PAF1: variants seen among roughly 807,000 people sequenced by gnomAD.
PAF1 encodes RNA polymerase II-associated factor 1 homolog.
PAF1 carries 31 observed loss-of-function variants against 68.4 expected under a neutral mutation model. The ratio of observed to expected loss-of-function variants is 0.45; its 90% CI spans 0.34 to 0.61. The LOEUF (loss-of-function observed/expected upper bound fraction) is 0.61, where lower values mean the gene tolerates loss of function less well. Among genes scored for constraint, PAF1 ranks in the 20% least tolerant of loss-of-function variants. The pLI is 0.01. For missense variants in PAF1, 435 were observed against 692.9 expected (o/e 0.63, Z 4.18); for synonymous variants, 256 against 240.5 (o/e 1.06, Z -0.60).
chr19:39,387,620 A>T (rs2078281523), intron 11 of PAF1, among the ~76,000 whole-genome samples: 1 of 152,122 alleles, frequency 6.6e-6, no homozygotes. Flanking sequence ...AGACTTCCCA[A>T]CTCTACACCA....
Position 39,389,205 on chromosome 19 carries a change from A to G in PAF1, c.462-7T>C. ...CTTCACAGAAACCCCAATCCTAGGA[A>G]TGAAGAAAAAGGTCCTTAGGGGCCA... On this transcript the variant is annotated splice_polypyrimidine_tract_variant and splice_region_variant and intron_variant, in intron 6 of 13. Coordinates refer to ENST00000221265, the MANE Select transcript of PAF1 (RefSeq NM_019088.4). The surrounding 1 kb of genome is among the most constrained non-coding windows in gnomAD (Gnocchi z 5.3). The G allele has an allele frequency of 6.2e-7, 1 of 1,613,676 alleles. No individual in the cohort carries two copies. Among genetic ancestry groups the G allele is most frequent in the Non-Finnish European group, 8.5e-7 (1 of 1,179,596 alleles).
Position 39,385,808 on chromosome 19 carries a change from G to A in PAF1, c.*183C>T. 7 of 855,320 alleles carry A rather than the reference G, an allele frequency of 8.2e-6. No homozygotes were observed. The highest frequency in any genetic ancestry group is 8.0e-5 in the East Asian group (3 of 37,470). The allele number at this position is 855,320 out of a possible 1,614,324, so 53.0% of individuals were successfully genotyped here. On this transcript the variant is annotated 3_prime_UTR_variant, in exon 14 of 14. Coordinates refer to ENST00000221265, the MANE Select transcript of PAF1 (RefSeq NM_019088.4). ...CTTGAGCACCTGGGGGTTGCGGGAG[G>A]TATGTGCTGGGCTGAATGACATCAT...
Position 39,389,980 on chromosome 19 carries a change from G to T in PAF1, c.170+89C>A. ...ATGTGCTAGGGTAGGTACTGTGCTA[G>T]GCCCTGAGCAGACAGCAGCCAACGA... is the stretch of plus-strand genomic sequence containing the variant. On this transcript the variant is annotated intron_variant, in intron 3 of 13. Coordinates refer to ENST00000221265, the MANE Select transcript of PAF1 (RefSeq NM_019088.4). The surrounding 1 kb of genome is among the most constrained non-coding windows in gnomAD (Gnocchi z 5.3). The T allele has an allele frequency of 8.8e-7, 1 of 1,141,970 alleles. No individual in the cohort carries two copies. The highest frequency in any genetic ancestry group is 1.3e-6 in the Non-Finnish European group (1 of 758,216). 70.7% of individuals were successfully genotyped at this position (1,141,970 alleles called of 1,614,324 possible). A position where few individuals can be genotyped will look rare whatever the true frequency, so the allele number is the denominator to read the frequency against.
In PAF1 at chr19:39,386,015, A is replaced by G. The variant is rs750293473; in HGVS notation, c.1572T>C (p.Ser524=). 6.2e-7 allele frequency: 1 copy of G among 1,613,550 alleles called. No individual in the cohort carries two copies. The highest frequency in any genetic ancestry group is 2.2e-5 in the East Asian group (1 of 44,880). Residue 524 remains serine (S), a synonymous_variant, in exon 14 of 14, where the codon AGT becomes AGC. Transcript: ENST00000221265. This position sits in a 1 kb window ranked among gnomAD's most constrained non-coding sequence, Gnocchi z 6.1. The stretch of plus-strand genomic sequence containing the variant: ...CTCAGTCACTGTCACTATCAGCTTC[A>G]CTGGAATCAGAAGCTGCAGCTTCAC... ...DGSEAAASDS[S]EADSDSD is the part of the protein sequence containing the mutation.
rs2078231362 is a variant in PAF1, at chr19:39,385,740, G to A, written c.*251C>T. The A allele has an allele frequency of 1.7e-6, 1 of 574,406 alleles. No homozygotes were observed. Among genetic ancestry groups the A allele is most frequent in the Middle Eastern group, 3.7e-4 (1 of 2,712 alleles). The allele number at this position is 574,406 out of a possible 1,614,324, so 35.6% of individuals were successfully genotyped here. A position where few individuals can be genotyped will look rare whatever the true frequency, so the allele number is the denominator to read the frequency against. On this transcript the variant is annotated 3_prime_UTR_variant, in exon 14 of 14. Transcript: ENST00000221265. ...GTGCTACATTTTGTGGGAAACCATT[G>A]GCCCTGCCTCTGGCCTGTGTTTCTA...
chr19:39,390,575 G>C (rs2078358554), intron 1 of PAF1, among the ~76,000 whole-genome samples: 1 of 152,178 alleles, frequency 6.6e-6, no homozygotes, highest in Non-Finnish European at 1.5e-5. Context: ...AATCGTCTTC[G>C]GAAGAGGGGT....
Position 39,389,579 on chromosome 19 carries a change from G to C in PAF1, c.293-33C>G, listed in dbSNP as rs747894341. ...AGAGCGGGGGGCAGGAGGACCATGA[G>C]GGAGGCCCAGGCCTGAGCCTTTGCT... On this transcript the variant is annotated intron_variant, in intron 4 of 13. Coordinates refer to ENST00000221265, the MANE Select transcript of PAF1 (RefSeq NM_019088.4). This position sits in a 1 kb window ranked among gnomAD's most constrained non-coding sequence, Gnocchi z 5.3. The C allele has an allele frequency of 6.2e-7, 1 of 1,614,114 alleles. No homozygotes were observed. The highest frequency in any genetic ancestry group is 1.7e-5 in the Admixed American group (1 of 60,032).
In PAF1 at chr19:39,386,607, G is replaced by T. The variant is rs757611408; in HGVS notation, c.1093-35C>A. 4.3e-6 allele frequency: 7 copies of T among 1,611,208 alleles called. No individual in the cohort carries two copies. The highest frequency in any genetic ancestry group is 5.1e-6 in the Non-Finnish European group (6 of 1,177,450). On this transcript the variant is annotated intron_variant, in intron 12 of 13. Coordinates refer to ENST00000221265, the MANE Select transcript of PAF1 (RefSeq NM_019088.4). This position sits in a 1 kb window ranked among gnomAD's most constrained non-coding sequence, Gnocchi z 6.1. ...GCAAGATTGGAATGAGGGGAAGGAG[G>T]GTGTTCTGCTGGGTTTTTGTCCCCC... is the stretch of plus-strand genomic sequence containing the variant.
chr19:39,387,853 T>C (rs1039335346), intron 11 of PAF1, among the ~76,000 whole-genome samples: 1 of 152,220 alleles, frequency 6.6e-6, no homozygotes, highest in Non-Finnish European at 1.5e-5. Flanking sequence ...ATTAAGATAT[T>C]CTGGCTGGGC....
Position 39,390,045 on chromosome 19 carries a change from AGTT to A in PAF1, c.170+21_170+23del, listed in dbSNP as rs551828603. On this transcript the variant is annotated intron_variant, in intron 3 of 13. Transcript: ENST00000221265. ...GCCTTCAAGGAACTCATACCTGAGT[AGTT>A]TTCCCATTCCTTAGTCTCACCTGTT... 1.2e-4 allele frequency: 182 copies of A among 1,570,932 alleles called. 1 individual carries two copies. Among genetic ancestry groups the A allele is most frequent in the Non-Finnish European group, 1.5e-4 (176 of 1,140,728 alleles).
rs1371894126 is a variant in PAF1 at position 39,390,866 on chromosome 19, G to A, written c.-2C>T. ...CTGGGTCTGGATGGTGGGCGCCATA[G>A]CGACGAGGCGACGGCAGCCCGGACG... On this transcript the variant is annotated 5_prime_UTR_variant, in exon 1 of 14. Transcript: ENST00000221265. The A allele has an allele frequency of 1.9e-6, 3 of 1,579,062 alleles. No individual in the cohort carries two copies. Among genetic ancestry groups the A allele is most frequent in the African/African-American group, 2.7e-5 (2 of 74,270 alleles).
At position 39,390,879 on chromosome 19, in the gene PAF1, G is replaced by C. The variant is rs112798263; in HGVS notation, c.-15C>G. Reference sequence around the variant, plus strand: ...GTGGGCGCCATAGCGACGAGGCGACGGCAGCCCGGACGGGGTCCTAGCGGG... The same window carrying C: ...GTGGGCGCCATAGCGACGAGGCGACCGCAGCCCGGACGGGGTCCTAGCGGG... On this transcript the variant is annotated 5_prime_UTR_variant, in exon 1 of 14. Coordinates refer to ENST00000221265, the MANE Select transcript of PAF1 (RefSeq NM_019088.4). 4.4e-5 allele frequency: 70 copies of C among 1,575,042 alleles called. 1 individual carries two copies. The highest frequency in any genetic ancestry group is 4.4e-4 in the African/African-American group (33 of 74,298).
rs1445260713 is a variant in PAF1, at chr19:39,389,416, A to T, written c.360-33T>A. 3.0e-5 allele frequency: 49 copies of T among 1,611,640 alleles called. No individual in the cohort carries two copies. Among genetic ancestry groups the T allele is most frequent in the Non-Finnish European group, 4.2e-5 (49 of 1,177,964 alleles). On this transcript the variant is annotated intron_variant, in intron 5 of 13. Coordinates refer to ENST00000221265, the MANE Select transcript of PAF1 (RefSeq NM_019088.4). This position sits in a 1 kb window ranked among gnomAD's most constrained non-coding sequence, Gnocchi z 5.3. ...GGGAAATCAGGTATCTCAGGACCCCACTGCCCTCCTGCTTGTAGGGCCCAC... is the reference window on the plus strand; with the variant it reads ...GGGAAATCAGGTATCTCAGGACCCCTCTGCCCTCCTGCTTGTAGGGCCCAC...
Position 39,385,629 on chromosome 19 carries a change from T to C in PAF1, c.*362A>G, listed in dbSNP as rs1374093772. 6 of 513,084 alleles carry C rather than the reference T, an allele frequency of 1.2e-5. No individual in the cohort carries two copies. The highest frequency in any genetic ancestry group is 9.1e-5 in the East Asian group (3 of 32,870). 31.8% of individuals were successfully genotyped at this position (513,084 alleles called of 1,614,324 possible). ...TTTTCTCGCTGTTGGAGAAGACTTA[T>C]TTGTTGGAGTTTCACTTGTTTAATG... On this transcript the variant is annotated 3_prime_UTR_variant, in exon 14 of 14. Transcript: ENST00000221265.
rs149745358 is a variant in PAF1, at chr19:39,389,517, A to G, written c.322T>C (p.Leu108=). ...VLLDPADEKL[L]EEEIQAPTSS... is the part of the protein sequence containing the mutation. Reference sequence around the variant, plus strand: ...GTGGGGGCCTGAATCTCCTCTTCCAAAAGTTTCTCATCAGCTGGATCTAGA... The same window carrying G: ...GTGGGGGCCTGAATCTCCTCTTCCAGAAGTTTCTCATCAGCTGGATCTAGA... Residue 108 remains leucine (L), a synonymous_variant, in exon 5 of 14, where the codon TTG becomes CTG. Transcript: ENST00000221265. This position sits in a 1 kb window ranked among gnomAD's most constrained non-coding sequence, Gnocchi z 5.3. 3.6e-3 allele frequency: 5,786 copies of G among 1,614,136 alleles called. 40 individuals carry two copies. The highest frequency in any genetic ancestry group is 3.3e-3 in the Non-Finnish European group (3,933 of 1,180,030).
At position 39,389,252 on chromosome 19, in the gene PAF1, A is replaced by G; in HGVS notation, c.461+30T>C. The G allele has an allele frequency of 1.9e-6, 3 of 1,608,360 alleles. No homozygotes were observed. In the South Asian group the frequency reaches 3.3e-5, roughly 18 times the overall value. ...GCCACTGGACACACCTAATATCTCC[A>G]CCTTCCCTCTCTTCCTGTTAGTAAC... On this transcript the variant is annotated intron_variant, in intron 6 of 13. Transcript: ENST00000221265. The surrounding 1 kb of genome is among the most constrained non-coding windows in gnomAD (Gnocchi z 5.3).
Position 39,388,475 on chromosome 19 carries a change from T to C in PAF1, c.858-8A>G, listed in dbSNP as rs781084526. The C allele has an allele frequency of 4.3e-6, 7 of 1,614,068 alleles. No homozygotes were observed. The African/African-American group carries it at 9.3e-5, about 22-fold the overall frequency. On this transcript the variant is annotated splice_region_variant and splice_polypyrimidine_tract_variant and intron_variant, in intron 10 of 13. Coordinates refer to ENST00000221265, the MANE Select transcript of PAF1 (RefSeq NM_019088.4). Reference sequence around the variant, plus strand: ...GCAATTTTGTAGTCATACCTGAAGATGAGGGCACAGGTTCAGCCCCATTTC... The same window carrying C: ...GCAATTTTGTAGTCATACCTGAAGACGAGGGCACAGGTTCAGCCCCATTTC...
chr19:39,386,174 T>G lies in PAF1; in HGVS notation c.1413A>C (p.Arg471Ser), dbSNP rs2078243683. 6.2e-7 allele frequency: 1 copy of G among 1,614,022 alleles called. No individual in the cohort carries two copies. Among genetic ancestry groups the G allele is most frequent in the African/African-American group, 1.3e-5 (1 of 74,908 alleles). The change falls in exon 14 of 14, where the codon AGA becomes AGC. Residue 471 changes from arginine to serine, a missense_variant. Coordinates refer to ENST00000221265, the MANE Select transcript of PAF1 (RefSeq NM_019088.4). This position sits in a 1 kb window ranked among gnomAD's most constrained non-coding sequence, Gnocchi z 6.1. The stretch of plus-strand genomic sequence containing the variant: ...TGTCACTGCCACCTTGGGCCTGTCC[T>G]CTGTCCTCATCATCAGAGTCGGCAT... The part of the protein sequence containing the change: ...EDDADSDDED[R>S]GQAQGGSDND...
At chr19:39,390,762 G>C in intron 1 of PAF1, 56 bp downstream of exon 1, 1 of 1,528,334 alleles carries the variant, frequency 6.5e-7, no homozygotes, top group Non-Finnish European at 8.9e-7. Context: ...ACGTTGTTCA[G>C]CAGAAACCCT....
Sources: gnomAD v4.1 joint callset for allele counts (sites outside exome capture counted in the v4.1 genomes callset) on GRCh38, gnomAD v4.1.1 for gene constraint, Gnocchi (gnomAD v3.1) non-coding constraint, MANE v1.5 for transcripts, NCBI Gene and HGNC (gene_info 2026-07-23, HGNC 2026-07-21) for gene names.